The following IMPG1 variants were observed in gnomAD, a reference collection of about 807,000 sequenced individuals.
The protein encoded by IMPG1 is interphotoreceptor matrix proteoglycan 1, also known as interphotoreceptor matrix proteoglycan of 150 kDa.
Under a neutral mutation model 92.0 loss-of-function variants are expected in IMPG1, and 85 were observed. The observed-to-expected ratio is 0.92, with a 90% CI of 0.78 to 1.11. The LOEUF (loss-of-function observed/expected upper bound fraction) is 1.11. Ranked by LOEUF, IMPG1 falls within the 50% of genes least tolerant of loss-of-function variation. The probability of loss-of-function intolerance (pLI) is 0.00; values close to 1 mark genes in which losing one functional copy is unlikely to be tolerated. For synonymous variants in IMPG1, 367 were observed against 334.1 expected (o/e 1.10, Z -1.08); for missense variants, 1,022 against 956.0 (o/e 1.07, Z -0.91).
At chr6:76,043,669 A>G (rs1271742478) in intron 1 of IMPG1, among the ~76,000 whole-genome samples, 3 of 152,176 alleles carry the variant, frequency 2.0e-5, no homozygotes, top group Non-Finnish European at 4.4e-5. Flanking sequence ...GGGAATCACT[A>G]TTTTATAGAT....
chr6:76,040,658 A>C (rs1783820031), intron 2 of IMPG1, among the ~76,000 whole-genome samples: 1 of 152,240 alleles, frequency 6.6e-6, no homozygotes, highest in Non-Finnish European at 1.5e-5. Context: ...ACTGTGATCC[A>C]GTAGTTTTCA....
At chr6:75,961,065 G>C (rs1391360331) in intron 12 of IMPG1, among the ~76,000 whole-genome samples, 1 of 152,204 alleles carries the variant, frequency 6.6e-6, no homozygotes, top group East Asian at 1.9e-4. Flanking sequence ...CCAAAGTGAG[G>C]TATGTGGGTG....
rs141639087 is a variant in IMPG1, at chr6:75,953,595, T to C, written c.1292-2501A>G. Among the ~76,000 whole-genome samples the C allele has an allele frequency of 2.3e-3, 349 of 151,012 alleles. 1 individual carries two copies. Among genetic ancestry groups the C allele is most frequent in the Non-Finnish European group, 3.6e-3 (243 of 67,708 alleles). On this transcript the variant is annotated intron_variant, in intron 12 of 16. Coordinates refer to ENST00000369950, the MANE Select transcript of IMPG1 (RefSeq NM_001563.4). ...AGCAAATGACATGAACTCATCCTTT[T>C]TTTCCCTTTTTATTATTTATTTATA...
At chr6:76,033,472 T>C (rs1306445658) in intron 4 of IMPG1, among the ~76,000 whole-genome samples, 1 of 152,214 alleles carries the variant, frequency 6.6e-6, no homozygotes, top group Non-Finnish European at 1.5e-5. Context: ...ATAAAAGGAA[T>C]ATTTCAGACA....
At chr6:75,975,546 A>G (rs943121728) in intron 12 of IMPG1, among the ~76,000 whole-genome samples, 3 of 152,226 alleles carry the variant, frequency 2.0e-5, no homozygotes, top group Non-Finnish European at 4.4e-5. Flanking sequence ...TCCACAAACT[A>G]TAAAAAGCTA....
chr6:75,950,807 T>TGTCAGACAGATC lies in IMPG1; in HGVS notation c.1567_1578dup (p.Asp523_Asp526dup), dbSNP rs768807327. The TGTCAGACAGATC allele has an allele frequency of 1.2e-6, 2 of 1,613,818 alleles. No individual in the cohort carries two copies. The highest frequency in any genetic ancestry group is 1.7e-6 in the Non-Finnish European group (2 of 1,179,884). On this transcript the variant is annotated inframe_insertion, in exon 13 of 17. Coordinates refer to ENST00000369950, the MANE Select transcript of IMPG1 (RefSeq NM_001563.4). ...TCTGGTACCTCAGATGGGGCAGGAG[T>TGTCAGACAGATC]GTCAGACAGATCCATTTCATCTAGG... is the stretch of plus-strand genomic sequence containing the variant.
chr6:76,052,772 G>T (rs1784064573), intron 1 of IMPG1, among the ~76,000 whole-genome samples: 1 of 152,152 alleles, frequency 6.6e-6, no homozygotes, highest in African/African-American at 2.4e-5. Context: ...ATTTTTATAA[G>T]CTGTGATTAG....
intron 15 of IMPG1, among the ~76,000 whole-genome samples, chr6:75,925,920 T>C (rs1468116718): frequency 6.6e-6 from 1 of 152,082 alleles, no homozygotes; most frequent in African/African-American, 2.4e-5. Context: ...CCACCTCGGC[T>C]TCCCAAAGTG....
At chr6:75,987,396 C>T (rs1283063390) in intron 12 of IMPG1, among the ~76,000 whole-genome samples, 1 of 150,878 alleles carries the variant, frequency 6.6e-6, no homozygotes, top group African/African-American at 2.4e-5. Context: ...TGGTGGTGTG[C>T]TGCACCCCTT....
intron 7 of IMPG1, among the ~76,000 whole-genome samples, chr6:76,018,510 G>T (rs1042286203): frequency 9.2e-5 from 14 of 152,308 alleles, no homozygotes; most frequent in African/African-American, 3.4e-4. Flanking sequence ...TGCAAGTTTT[G>T]AGAATAGAAA....
chr6:75,961,893 G>T (rs1044060204), intron 12 of IMPG1, among the ~76,000 whole-genome samples: 6 of 152,044 alleles, frequency 3.9e-5, no homozygotes, highest in Non-Finnish European at 8.8e-5. Flanking sequence ...CTTAGCGTGT[G>T]TTTACCTAAA....
intron 1 of IMPG1, among the ~76,000 whole-genome samples, chr6:76,055,762 A>G (rs1253784687): frequency 6.6e-6 from 1 of 152,082 alleles, no homozygotes; most frequent in Non-Finnish European, 1.5e-5. Context: ...TATAAACATA[A>G]AAAAGTTAAC....
chr6:76,025,500 T>C (rs1027531973), intron 4 of IMPG1, among the ~76,000 whole-genome samples: 2 of 150,940 alleles, frequency 1.3e-5, no homozygotes, highest in Admixed American at 1.3e-4. Flanking sequence ...GTAAGCATCC[T>C]TTTTTTTGTG....
intron 14 of IMPG1, among the ~76,000 whole-genome samples, chr6:75,944,269 C>T (rs1190802484): frequency 6.6e-6 from 1 of 152,222 alleles, no homozygotes; most frequent in East Asian, 1.9e-4. Flanking sequence ...CCTCCTTCCC[C>T]TCACTGTTGA....
chr6:76,062,933 G>C (rs575091870), intron 1 of IMPG1, among the ~76,000 whole-genome samples: 1 of 151,938 alleles, frequency 6.6e-6, no homozygotes, highest in African/African-American at 2.4e-5. Context: ...AAGACTTGGG[G>C]TGGCTCACGC....
In IMPG1 at chr6:76,034,796, CAG is replaced by C. The variant is rs1395995234; in HGVS notation, c.302-11_302-10del. The C allele has an allele frequency of 1.2e-6, 2 of 1,609,168 alleles. No homozygotes were observed. Among genetic ancestry groups the C allele is most frequent in the East Asian group, 2.2e-5 (1 of 44,730 alleles). Reference sequence around the variant, plus strand: ...TACTGCTTCCTGACACACTGTAATACAGAGTCATTAATGGCCATGCCCTAAGA... The same window carrying C: ...TACTGCTTCCTGACACACTGTAATACAGTCATTAATGGCCATGCCCTAAGA... On this transcript the variant is annotated splice_polypyrimidine_tract_variant and intron_variant, in intron 2 of 16. Coordinates refer to ENST00000369950, the MANE Select transcript of IMPG1 (RefSeq NM_001563.4).
rs761548357 is a variant in IMPG1, at chr6:75,950,713, T to C, written c.1673A>G (p.Tyr558Cys). ...AATGGTCATAGAACTAGTGGTGATA[T>C]ACTGTAAAGCTGAGACAGGAGTGGT... ...EDTTPVSALQYITTSSMTIAP... is the reference protein window; with the variant it reads ...EDTTPVSALQCITTSSMTIAP... The change falls in exon 13 of 17, where the codon TAT (tyrosine) becomes TGT (cysteine). Residue 558 changes from tyrosine (Y) to cysteine (C), a missense_variant. Coordinates refer to ENST00000369950, the MANE Select transcript of IMPG1 (RefSeq NM_001563.4). The C allele has an allele frequency of 2.7e-5, 43 of 1,613,872 alleles. No individual in the cohort carries two copies. Among genetic ancestry groups the C allele is most frequent in the African/African-American group, 6.7e-5 (5 of 74,918 alleles).
chr6:75,987,226 C>G (rs1008692761), intron 12 of IMPG1, among the ~76,000 whole-genome samples: 2 of 151,782 alleles, frequency 1.3e-5, no homozygotes, highest in African/African-American at 2.4e-5. Flanking sequence ...CAGCCAAGGC[C>G]TCCTACGACT....
intron 1 of IMPG1, among the ~76,000 whole-genome samples, chr6:76,062,410 T>C (rs1168947956): frequency 6.6e-6 from 1 of 152,214 alleles, no homozygotes; most frequent in Non-Finnish European, 1.5e-5. Flanking sequence ...ATGTAGAACA[T>C]TTATATGACA....
Sources: allele counts gnomAD v4.1 joint callset (sites outside exome capture counted in the v4.1 genomes callset), GRCh38; gene constraint gnomAD v4.1.1; transcripts MANE v1.5; gene names NCBI Gene and HGNC (gene_info 2026-07-23, HGNC 2026-07-21).